STPG2: variants seen among roughly 807,000 people sequenced by gnomAD.
The protein encoded by STPG2 is sperm-tail PG-rich repeat-containing protein 2.
Under a neutral mutation model 54.2 loss-of-function variants are expected in STPG2, and 56 were observed. The observed-to-expected ratio is 1.03, with a 90% CI of 0.83 to 1.29. The LOEUF is 1.29. Ranked by LOEUF, STPG2 falls within the 50% of genes most tolerant of loss-of-function variation. STPG2 has a pLI of 0.00. For synonymous variants in STPG2, 200 were observed against 181.8 expected (o/e 1.10, Z -0.81); for missense variants, 596 against 544.9 (o/e 1.09, Z -0.93).
chr4:98,033,014 C>T (rs1290638698), intron 5 of STPG2, among the ~76,000 whole-genome samples: 1 of 151,994 alleles, frequency 6.6e-6, no homozygotes, highest in Non-Finnish European at 1.5e-5. Flanking sequence ...AACACCCTAA[C>T]ATCACAATTA....
intron 5 of STPG2, among the ~76,000 whole-genome samples, chr4:98,004,878 G>A (rs900075881): frequency 1.3e-5 from 2 of 150,180 alleles, no homozygotes; most frequent in African/African-American, 4.9e-5. Flanking sequence ...TCTATATTTT[G>A]GATATTAAGC....
At chr4:97,993,232 A>G (rs1387110304) in intron 5 of STPG2, among the ~76,000 whole-genome samples, 1 of 152,028 alleles carries the variant, frequency 6.6e-6, no homozygotes, top group Non-Finnish European at 1.5e-5. Context: ...ATCATAGATG[A>G]CTTTTATTAC....
intron 8 of STPG2, among the ~76,000 whole-genome samples, chr4:97,864,124 A>C (rs1729669907): frequency 6.6e-6 from 1 of 152,184 alleles, no homozygotes; most frequent in Non-Finnish European, 1.5e-5. Context: ...AAAGAAATAA[A>C]GGGTATTCAA....
intron 10 of STPG2, among the ~76,000 whole-genome samples, chr4:97,566,437 C>T (rs763622295): frequency 6.6e-6 from 1 of 152,306 alleles, no homozygotes; most frequent in East Asian, 1.9e-4. Flanking sequence ...TGGCGTGCTG[C>T]ACCCACTGTC....
At chr4:97,581,229 G>GA (rs1732856781) in intron 10 of STPG2, among the ~76,000 whole-genome samples, 1 of 151,988 alleles carries the variant, frequency 6.6e-6, no homozygotes, top group Admixed American at 6.6e-5. Flanking sequence ...CATTCTCTCA[G>GA]AAAGTTTTTT....
chr4:97,747,977 A>C (rs1341227655), intron 9 of STPG2, among the ~76,000 whole-genome samples: 1 of 151,456 alleles, frequency 6.6e-6, no homozygotes, highest in East Asian at 1.9e-4. Flanking sequence ...ATCTTCTAGG[A>C]TGATTTGAGC....
intron 9 of STPG2, among the ~76,000 whole-genome samples, chr4:97,812,540 A>G (rs867945168): frequency 6.8e-4 from 104 of 152,270 alleles, no homozygotes; most frequent in African/African-American, 2.3e-3. Context: ...ATGTTGAGTT[A>G]TATGTTTTCC....
At chr4:98,032,977 A>C (rs1736647117) in intron 5 of STPG2, among the ~76,000 whole-genome samples, 1 of 152,246 alleles carries the variant, frequency 6.6e-6, no homozygotes, top group Non-Finnish European at 1.5e-5. Context: ...AAATGCTCAC[A>C]AGAGAAAGCA....
intron 9 of STPG2, among the ~76,000 whole-genome samples, chr4:97,735,337 G>C (rs1724946500): frequency 1.3e-5 from 2 of 151,342 alleles, no homozygotes; most frequent in Non-Finnish European, 2.9e-5. Context: ...ACTTATAAGT[G>C]GGAGCTAAGC....
At chr4:98,035,707 CA>C (rs1346202081) in intron 5 of STPG2, among the ~76,000 whole-genome samples, 4 of 152,192 alleles carry the variant, frequency 2.6e-5, no homozygotes, top group African/African-American at 9.6e-5. Context: ...AAATGCCCAT[CA>C]ATGACAAACT....
At chr4:98,027,688 G>A (rs911642128) in intron 5 of STPG2, among the ~76,000 whole-genome samples, 14 of 152,186 alleles carry the variant, frequency 9.2e-5, no homozygotes, top group Admixed American at 3.3e-4. Flanking sequence ...ACCCTGTAAG[G>A]AAAACTCCAT....
At chr4:98,063,307 G>T (rs373997951) in intron 5 of STPG2, among the ~76,000 whole-genome samples, 2 of 151,890 alleles carry the variant, frequency 1.3e-5, no homozygotes, top group African/African-American at 2.4e-5. Context: ...AAATCAGCTG[G>T]GCATGGTGGC....
intron 10 of STPG2, among the ~76,000 whole-genome samples, chr4:97,593,855 C>A (rs1210025785): frequency 6.6e-6 from 1 of 151,132 alleles, no homozygotes; most frequent in Non-Finnish European, 1.5e-5. Flanking sequence ...GGCTAGGTAA[C>A]CGCCCCCCAA....
chr4:97,931,167 C>G (rs907681533), intron 8 of STPG2, among the ~76,000 whole-genome samples: 2 of 152,128 alleles, frequency 1.3e-5, no homozygotes, highest in African/African-American at 4.8e-5. Flanking sequence ...TATTTGGATG[C>G]CTTTTATTTT....
intron 5 of STPG2, among the ~76,000 whole-genome samples, chr4:98,033,187 C>G (rs1415452608): frequency 6.7e-6 from 1 of 150,252 alleles, no homozygotes; most frequent in African/African-American, 2.4e-5. Context: ...AAAAGATCAA[C>G]AAAATAGATA....
At chr4:98,059,724 T>C (rs970039439) in intron 5 of STPG2, among the ~76,000 whole-genome samples, 15 of 150,618 alleles carry the variant, frequency 1.0e-4, no homozygotes, top group African/African-American at 2.7e-4. Context: ...CATGATCAAA[T>C]AGGCTTCATC....
intron 10 of STPG2, among the ~76,000 whole-genome samples, chr4:97,580,779 T>C (rs1578403303): frequency 6.6e-6 from 1 of 152,158 alleles, no homozygotes; most frequent in African/African-American, 2.4e-5. Flanking sequence ...CAAAATACTT[T>C]ATTCTCACTA....
chr4:98,002,062 T>C (rs967833675), intron 5 of STPG2, among the ~76,000 whole-genome samples: 2 of 151,836 alleles, frequency 1.3e-5, no homozygotes, highest in African/African-American at 4.8e-5. Flanking sequence ...CTAAAAGAGG[T>C]TTGATCAATG....
intron 10 of STPG2, among the ~76,000 whole-genome samples, chr4:97,706,957 C>T (rs765695257): frequency 5.9e-5 from 9 of 151,862 alleles, no homozygotes; most frequent in Non-Finnish European, 7.4e-5. Flanking sequence ...TTAGATGAGA[C>T]GATAGGCAAA....
Sources: allele counts gnomAD v4.1 joint callset (sites outside exome capture counted in the v4.1 genomes callset), GRCh38; gene constraint gnomAD v4.1.1; transcripts MANE v1.5; gene names NCBI Gene and HGNC (gene_info 2026-07-23, HGNC 2026-07-21).